The following DTD1 variants were observed in gnomAD, a reference collection of about 807,000 sequenced individuals.
The protein encoded by DTD1 is D-aminoacyl-tRNA deacylase 1, also known as D-tyrosyl-tRNA deacylase 1 homolog.
Under a neutral mutation model 25.6 loss-of-function variants are expected in DTD1, and 13 were observed. The ratio of observed to expected loss-of-function variants is 0.51; its 90% CI spans 0.33 to 0.81. DTD1 has a LOEUF of 0.81. Ranked by LOEUF, DTD1 falls within the 30% of genes least tolerant of loss-of-function variation. DTD1 has a pLI of 0.02. For synonymous variants in DTD1, 110 were observed against 103.6 expected (o/e 1.06, Z -0.37); for missense variants, 193 against 266.4 (o/e 0.72, Z 1.92).
chr20:18,703,945 A>T (rs559850505), intron 4 of DTD1, among the ~76,000 whole-genome samples: 16 of 150,760 alleles, frequency 1.1e-4, no homozygotes, highest in Non-Finnish European at 1.8e-4. Flanking sequence ...CTGTCTGTTC[A>T]TATTAAGAAC....
chr20:18,744,208 A>T lies in DTD1; in HGVS notation c.586A>T (p.Ser196Cys), dbSNP rs1171346268. Residue 196 changes from serine to cysteine, a missense_variant, in exon 5 of 6, where the codon AGC (serine) becomes TGC (cysteine). Transcript: ENST00000377452. ...TCCCCGAAAAGAAGACCGCAGTGCC[A>T]GCAGCGGGGCTGAGGGCGACGTGTC... Reference protein sequence around the residue: ...NTPRKEDRSASSGAEGDVSSE... With the variant: ...NTPRKEDRSACSGAEGDVSSE... 1 of 1,612,314 alleles carries T rather than the reference A, an allele frequency of 6.2e-7. No individual in the cohort carries two copies.
At chr20:18,678,664 C>T (rs1302470046) in intron 4 of DTD1, among the ~76,000 whole-genome samples, 1 of 152,018 alleles carries the variant, frequency 6.6e-6, no homozygotes, top group Non-Finnish European at 1.5e-5. Context: ...AGCTGTTTAC[C>T]CTCTGGGAAG....
chr20:18,653,317 G>T (rs6035096), intron 4 of DTD1, among the ~76,000 whole-genome samples: 4 of 152,136 alleles, frequency 2.6e-5, no homozygotes, highest in East Asian at 3.9e-4. Context: ...TCATCTGAGC[G>T]TGGGAGGTTG....
At chr20:18,718,404 C>T (rs1275583406) in intron 4 of DTD1, among the ~76,000 whole-genome samples, 1 of 151,976 alleles carries the variant, frequency 6.6e-6, no homozygotes, top group Non-Finnish European at 1.5e-5. Context: ...TTGGTGGGGC[C>T]GTGTGGGATG....
At chr20:18,626,605 T>G (rs1161662299) in intron 3 of DTD1, among the ~76,000 whole-genome samples, 3 of 152,170 alleles carry the variant, frequency 2.0e-5, no homozygotes, top group Non-Finnish European at 4.4e-5. Context: ...TTTTAAAATG[T>G]GTTTATTTTC....
At chr20:18,716,338 G>A (rs530072811) in intron 4 of DTD1, among the ~76,000 whole-genome samples, 1 of 152,330 alleles carries the variant, frequency 6.6e-6, no homozygotes, top group East Asian at 1.9e-4. Context: ...AGTGTGTCTG[G>A]ATTCAGGTTT....
chr20:18,755,838 A>T (rs1173609863), intron 5 of DTD1, among the ~76,000 whole-genome samples: 1 of 152,212 alleles, frequency 6.6e-6, no homozygotes, highest in East Asian at 1.9e-4. Flanking sequence ...TCCCTGAGGA[A>T]TCGCCACACT....
intron 4 of DTD1, among the ~76,000 whole-genome samples, chr20:18,742,274 G>A (rs1215612588): frequency 1.3e-5 from 2 of 152,150 alleles, no homozygotes; most frequent in Admixed American, 6.5e-5. Context: ...GTGAAGTGAT[G>A]TCTTCATTCA....
chr20:18,633,343 C>T (rs936941487), intron 4 of DTD1, among the ~76,000 whole-genome samples: 1 of 152,128 alleles, frequency 6.6e-6, no homozygotes, highest in African/African-American at 2.4e-5. Context: ...CCAGGGTCTC[C>T]CCCTCCTTCT....
intron 4 of DTD1, among the ~76,000 whole-genome samples, chr20:18,660,217 T>C (rs963474751): frequency 6.6e-6 from 1 of 152,134 alleles, no homozygotes; most frequent in African/African-American, 2.4e-5. Flanking sequence ...AAAAAAAAAG[T>C]ATTTTTTATT....
chr20:18,649,326 C>CATTTTTTTTTTTT (rs2060864087), intron 4 of DTD1, among the ~76,000 whole-genome samples: 1 of 57,628 alleles, frequency 1.7e-5, no homozygotes, highest in African/African-American at 6.9e-5. Context: ...ATTCATCTTT[C>CATTTTTTTTTTTT]TTTTTTTTTT....
chr20:18,674,503 A>G (rs953138532), intron 4 of DTD1: 56 of 152,384 alleles, frequency 3.7e-4, no homozygotes, highest in African/African-American at 1.3e-3. Context: ...CATAGTTTCA[A>G]GAGTTACTTT....
Position 18,628,328 on chromosome 20 carries a change from T to G in DTD1, c.477+95T>G, listed in dbSNP as rs1011466852. On this transcript the variant is annotated intron_variant, in intron 4 of 5. Transcript: ENST00000377452. ...GTCCTCGGTCTGAGGAAATACATCA[T>G]TGTTGCAACGTTGTATTTATTTTAA... The G allele has an allele frequency of 5.3e-5, 49 of 919,124 alleles. 2 individuals carry two copies. The highest frequency in any genetic ancestry group is 8.1e-5 in the Non-Finnish European group (48 of 591,892). 56.9% of individuals were successfully genotyped at this position (919,124 alleles called of 1,614,324 possible). A position where few individuals can be genotyped will look rare whatever the true frequency, so the allele number is the denominator to read the frequency against.
intron 3 of DTD1, among the ~76,000 whole-genome samples, chr20:18,626,086 C>T (rs537568559): frequency 2.0e-5 from 3 of 152,166 alleles, no homozygotes; most frequent in Admixed American, 1.3e-4. Flanking sequence ...CTGCAATTTG[C>T]GCATATACTA....
chr20:18,667,293 G>T (rs1418631102), intron 4 of DTD1, among the ~76,000 whole-genome samples: 1 of 152,146 alleles, frequency 6.6e-6, no homozygotes, highest in African/African-American at 2.4e-5. Context: ...ATCAAATTGG[G>T]GCCTGCTTTT....
intron 3 of DTD1, among the ~76,000 whole-genome samples, chr20:18,619,003 G>A (rs556419436): frequency 2.0e-5 from 3 of 151,836 alleles, no homozygotes; most frequent in African/African-American, 7.3e-5. Context: ...GTGAGTCACC[G>A]TGCCTGGCTA....
chr20:18,596,171 G>A lies in DTD1; in HGVS notation c.300G>A (p.Glu100=). Residue 100 remains glutamate (E), a synonymous_variant, in exon 3 of 6, where the codon GAG becomes GAA. Transcript: ENST00000377452. ...ATTTCCACCTAGCAATGCCCACGGA[G>A]CAGGCAGAGGGCTTCTACAACAGCT... ...KPDFHLAMPT[E]QAEGFYNSFL... 4 of 1,614,180 alleles carry A rather than the reference G, an allele frequency of 2.5e-6. No homozygotes were observed. Among genetic ancestry groups the A allele is most frequent in the Non-Finnish European group, 3.4e-6 (4 of 1,180,030 alleles).
rs1373925901 is a variant in DTD1 at position 18,631,917 on chromosome 20, TA to T, written c.477+3685del. On this transcript the variant is annotated intron_variant, in intron 4 of 5. Coordinates refer to ENST00000377452, the MANE Select transcript of DTD1 (RefSeq NM_080820.6). ...TTTCAACCAGTACCCTCTTCTTGTT[TA>T]GGTCAAAGGGTACAAAGATGCAGTT... 4.4e-5 allele frequency: 43 copies of T among 983,176 alleles called. No individual in the cohort carries two copies. In the South Asian group the frequency reaches 1.8e-3, roughly 42 times the overall value. 60.9% of individuals were successfully genotyped at this position (983,176 alleles called of 1,614,324 possible).
chr20:18,627,880 A>G (rs2060765878), intron 3 of DTD1, among the ~76,000 whole-genome samples: 1 of 152,078 alleles, frequency 6.6e-6, no homozygotes, highest in African/African-American at 2.4e-5. Context: ...TCCCTGCACA[A>G]GCTCTCTCTC....
Sources: allele counts gnomAD v4.1 joint callset (sites outside exome capture counted in the v4.1 genomes callset), GRCh38; gene constraint gnomAD v4.1.1; transcripts MANE v1.5; gene names NCBI Gene and HGNC (gene_info 2026-07-23, HGNC 2026-07-21).